The following IL1R1 variants were observed in gnomAD, a reference collection of about 807,000 sequenced individuals.
The protein encoded by IL1R1 is interleukin 1 receptor type 1, also known as interleukin-1 receptor type 1.
Under a neutral mutation model 50.2 loss-of-function variants are expected in IL1R1, and 22 were observed. That is an observed-to-expected ratio of 0.44 (90% CI 0.31 to 0.63). The LOEUF is 0.63. IL1R1 is among the 20% of genes least tolerant of loss of function. The probability of loss-of-function intolerance (pLI) is 0.07; values close to 1 mark genes in which losing one functional copy is unlikely to be tolerated. For missense variants in IL1R1, 509 were observed against 676.2 expected (o/e 0.75, Z 2.74); for synonymous variants, 251 against 236.7 (o/e 1.06, Z -0.55).
At position 102,085,819 on chromosome 2, in the gene IL1R1, A is replaced by ATT. The variant is rs1406846653; in HGVS notation, c.-84+15286_-84+15287insTT. On this transcript the variant is annotated intron_variant, in intron 1 of 11. Transcript: ENST00000409929. ...AATAACTGACAACTTTACAACATCA[A>ATT]ATCTTTCAATTATTGAACATGCTAC... is the stretch of plus-strand genomic sequence containing the variant. Among the ~76,000 whole-genome samples the ATT allele has an allele frequency of 4.6e-5, 7 of 152,254 alleles. No homozygotes were observed. In the East Asian group the frequency reaches 1.3e-3, roughly 29 times the overall value.
chr2:102,075,827 C>T (rs974692196), intron 1 of IL1R1, among the ~76,000 whole-genome samples: 3 of 152,216 alleles, frequency 2.0e-5, no homozygotes, highest in Admixed American at 1.3e-4. Flanking sequence ...AAATTTCTAG[C>T]AGCAAATGGG....
At chr2:102,114,424 A>T (rs566787761) in intron 1 of IL1R1, among the ~76,000 whole-genome samples, 1 of 152,290 alleles carries the variant, frequency 6.6e-6, no homozygotes, top group South Asian at 2.1e-4. Context: ...AAAATATGTG[A>T]TTATTGTCAA....
chr2:102,179,348 G>C lies in IL1R1; in HGVS notation c.*2589G>C, dbSNP rs1037448448. On this transcript the variant is annotated 3_prime_UTR_variant, in exon 12 of 12. Transcript: ENST00000410023. ...GAGGGACAAGAATCAATGGATAAGCGTGGGTGGAGGAAGATCCAAACAGAA... is the reference window on the plus strand; with the variant it reads ...GAGGGACAAGAATCAATGGATAAGCCTGGGTGGAGGAAGATCCAAACAGAA... 6.6e-6 allele frequency: 1 copy of C among 152,304 alleles called. No homozygotes were observed. Among genetic ancestry groups the C allele is most frequent in the African/African-American group, 2.4e-5 (1 of 41,440 alleles). 9.4% of individuals were successfully genotyped at this position (152,304 alleles called of 1,614,324 possible). A position where few individuals can be genotyped will look rare whatever the true frequency, so the allele number is the denominator to read the frequency against.
At chr2:102,132,618 T>C (rs1296947547) in intron 1 of IL1R1, among the ~76,000 whole-genome samples, 1 of 151,920 alleles carries the variant, frequency 6.6e-6, no homozygotes, top group Non-Finnish European at 1.5e-5. Flanking sequence ...AAAACAGAAA[T>C]ACAATCAAGG....
chr2:102,111,885 A>G (rs1023409062), intron 1 of IL1R1, among the ~76,000 whole-genome samples: 4 of 152,172 alleles, frequency 2.6e-5, no homozygotes, highest in African/African-American at 9.7e-5. Context: ...GAGGTGACCA[A>G]CTGAGAGCTT....
chr2:102,073,373 G>A (rs1276346178), intron 1 of IL1R1, among the ~76,000 whole-genome samples: 2 of 152,300 alleles, frequency 1.3e-5, no homozygotes, highest in East Asian at 3.9e-4. Context: ...TAGGCAAAGT[G>A]CTGACTGTGA....
rs556118848 is a variant in IL1R1 at position 102,177,325 on chromosome 2, C to G, written c.*566C>G. The G allele has an allele frequency of 1.3e-5, 2 of 157,796 alleles. No individual in the cohort carries two copies. Among genetic ancestry groups the G allele is most frequent in the Admixed American group, 6.4e-5 (1 of 15,648 alleles). 9.8% of individuals were successfully genotyped at this position (157,796 alleles called of 1,614,324 possible). A position where few individuals can be genotyped will look rare whatever the true frequency, so the allele number is the denominator to read the frequency against. ...GAACTGCCAAGAAAAGGCATGGAGA[C>G]AGCGAACTAGAAGAAAGGGCAAGAA... On this transcript the variant is annotated 3_prime_UTR_variant, in exon 12 of 12. Coordinates refer to ENST00000410023, the MANE Select transcript of IL1R1 (RefSeq NM_000877.4).
chr2:102,090,202 T>TCACCAC (rs1399847636), intron 1 of IL1R1, among the ~76,000 whole-genome samples: 59 of 150,484 alleles, frequency 3.9e-4, no homozygotes, highest in Admixed American at 7.3e-4. Flanking sequence ...CCCCTCCTCA[T>TCACCAC]CACCACCACC....
chr2:102,076,854 G>T (rs1297263687), intron 1 of IL1R1, among the ~76,000 whole-genome samples: 2 of 151,904 alleles, frequency 1.3e-5, no homozygotes, highest in Non-Finnish European at 2.9e-5. Flanking sequence ...TGGGGGGTTT[G>T]TAGCCATTAT....
chr2:102,084,258 C>A (rs565819629), intron 1 of IL1R1, among the ~76,000 whole-genome samples: 19 of 152,276 alleles, frequency 1.2e-4, no homozygotes, highest in Admixed American at 1.2e-3. Context: ...CTCCTTGGTT[C>A]CCAGGAATGC....
intron 1 of IL1R1, among the ~76,000 whole-genome samples, chr2:102,118,130 G>C (rs1681192156): frequency 6.6e-6 from 1 of 152,148 alleles, no homozygotes; most frequent in African/African-American, 2.4e-5. Flanking sequence ...AGAAAGAACA[G>C]ATTAGAAGCT....
At chr2:102,100,451 G>A (rs1305282817), upstream of IL1R1, among the ~76,000 whole-genome samples, 2 of 152,150 alleles carry the variant, frequency 1.3e-5, no homozygotes, top group Non-Finnish European at 2.9e-5. Flanking sequence ...TTGAGTATGG[G>A]TGTTTATACA....
upstream of IL1R1, among the ~76,000 whole-genome samples, chr2:102,141,375 G>A (rs931037486): frequency 9.9e-5 from 15 of 152,206 alleles, no homozygotes; most frequent in African/African-American, 1.9e-4. Flanking sequence ...AAGGCTGTGA[G>A]ACCTTCTGCT....
chr2:102,086,501 A>G (rs1679434108), intron 1 of IL1R1, among the ~76,000 whole-genome samples: 1 of 151,822 alleles, frequency 6.6e-6, no homozygotes, highest in Admixed American at 6.6e-5. Context: ...GTTGTCAGTC[A>G]TTATTACTTT....
intron 11 of IL1R1, 99 bp from the exon 12 acceptor site, chr2:102,176,254 G>A (rs1423276179): frequency 2.2e-6 from 2 of 928,886 alleles, no homozygotes; most frequent in African/African-American, 1.7e-5. Flanking sequence ...AAAGGCATTA[G>A]GAGCCATACG....
At position 102,146,252 on chromosome 2, in the gene IL1R1, C is replaced by T. The variant is rs146097668; in HGVS notation, c.-84+3232C>T. On this transcript the variant is annotated intron_variant, in intron 1 of 11. Coordinates refer to ENST00000410023, the MANE Select transcript of IL1R1 (RefSeq NM_000877.4). The stretch of plus-strand genomic sequence containing the variant: ...TTAAATGAAAAGTTAGATGGTGTCA[C>T]TTTCCATCAGTGGGTCTCACCTCAT... Among the ~76,000 whole-genome samples the T allele has an allele frequency of 1.3e-3, 195 of 152,262 alleles. 1 individual carries two copies. Among genetic ancestry groups the T allele is most frequent in the African/African-American group, 4.3e-3 (179 of 41,544 alleles).
In IL1R1 at chr2:102,152,504, CAAAAAAAAAAAAAAAAAA is replaced by C. The variant is rs70946674; in HGVS notation, c.-83-1417_-83-1400del. On this transcript the variant is annotated intron_variant, in intron 1 of 11. Transcript: ENST00000410023. ...TGGGGGACAGAGCAAGACTCCGTCT[CAAAAAAAAAAAAAAAAAA>C]AAAAAAAAAAAAAAAAAAAGAAGAG... Among the ~76,000 whole-genome samples the C allele has an allele frequency of 1.3e-3, 39 of 29,686 alleles. 1 individual carries two copies. The South Asian group carries it at 0.022, about 17-fold the overall frequency. The allele number at this position is 29,686 out of a possible 152,430, so 19.5% of individuals were successfully genotyped here.
intron 1 of IL1R1, among the ~76,000 whole-genome samples, chr2:102,144,704 A>T (rs1682963271): frequency 6.6e-6 from 1 of 152,172 alleles, no homozygotes; most frequent in Admixed American, 6.5e-5. Context: ...TCTCTTCAAA[A>T]GGGGGGTCTT....
intron 1 of IL1R1, among the ~76,000 whole-genome samples, chr2:102,144,270 G>A (rs566366565): frequency 6.6e-5 from 10 of 152,304 alleles, no homozygotes; most frequent in African/African-American, 2.2e-4. Context: ...GTGGAACTCT[G>A]ATTTATTTTC....
Sources: gnomAD v4.1 joint callset for allele counts (sites outside exome capture counted in the v4.1 genomes callset) on GRCh38, gnomAD v4.1.1 for gene constraint, MANE v1.5 for transcripts, NCBI Gene and HGNC (gene_info 2026-07-23, HGNC 2026-07-21) for gene names.